Variants in ZNF804B observed in about 807,000 individuals in gnomAD.
ZNF804B encodes zinc finger protein 804B.
In ZNF804B, 80 loss-of-function variants were observed where a neutral mutation model predicts 101.4. The ratio of observed to expected loss-of-function variants is 0.79; its 90% CI spans 0.66 to 0.95. ZNF804B has a LOEUF of 0.95. ZNF804B is among the 40% of genes least tolerant of loss of function. ZNF804B has a pLI of 0.00. For synonymous variants in ZNF804B, 622 were observed against 558.8 expected, an observed-to-expected ratio of 1.11 and a Z score of -1.59; for missense variants, 1,673 against 1,561.9, an observed-to-expected ratio of 1.07 and a Z score of -1.20.
At chr7:89,192,239 C>T (rs1417008926) in intron 1 of ZNF804B, among the ~76,000 whole-genome samples, 6 of 151,978 alleles carry the variant, frequency 3.9e-5, no homozygotes, top group African/African-American at 1.4e-4. Context: ...TGAGAGTTAT[C>T]TAATGCCTTT....
intron 2 of ZNF804B, among the ~76,000 whole-genome samples, chr7:89,252,831 C>T (rs906048569): frequency 3.3e-5 from 5 of 152,084 alleles, no homozygotes; most frequent in African/African-American, 1.2e-4. Flanking sequence ...GAGCTAAATA[C>T]TAGTTACACA....
At chr7:88,785,155 C>T (rs945726458) in intron 1 of ZNF804B, among the ~76,000 whole-genome samples, 3 of 152,060 alleles carry the variant, frequency 2.0e-5, no homozygotes, top group African/African-American at 4.8e-5. Flanking sequence ...ACCTCAAATT[C>T]GGCATGTTCA....
intron 1 of ZNF804B, among the ~76,000 whole-genome samples, chr7:88,964,804 C>T (rs149134810): frequency 5.3e-5 from 8 of 151,568 alleles, no homozygotes; most frequent in African/African-American, 1.9e-4. Context: ...GGGAGCAAAA[C>T]AGGCTCTTAG....
chr7:89,258,624 C>T (rs1461292977), intron 2 of ZNF804B, among the ~76,000 whole-genome samples: 3 of 152,152 alleles, frequency 2.0e-5, no homozygotes, highest in Non-Finnish European at 4.4e-5. Flanking sequence ...TCCAGTCAGA[C>T]ATCCATGTAT....
intron 2 of ZNF804B, among the ~76,000 whole-genome samples, chr7:89,281,700 G>T (rs1291946249): frequency 6.6e-6 from 1 of 152,112 alleles, no homozygotes; most frequent in East Asian, 1.9e-4. Flanking sequence ...TATAAACAAG[G>T]TCTTTCTGTG....
rs1370260461 is a variant in ZNF804B at position 89,132,162 on chromosome 7, G to GCA, written c.109-85988_109-85987dup. Reference sequence around the variant, plus strand: ...GAAAATAACAGGAATGAGAACACACGCACACATACACACACACACACACAC... The same window carrying GCA: ...GAAAATAACAGGAATGAGAACACACGCACACACATACACACACACACACACAC... On this transcript the variant is annotated intron_variant, in intron 1 of 3. Transcript: ENST00000333190. 2.6e-3 allele frequency among the ~76,000 whole-genome samples: 226 copies of GCA among 87,704 alleles called. 2 individuals carry two copies. Among genetic ancestry groups the GCA allele is most frequent in the African/African-American group, 7.5e-3 (211 of 28,040 alleles). The allele number at this position is 87,704 out of a possible 152,430, so 57.5% of individuals were successfully genotyped here.
At chr7:88,843,353 G>GGGCATCAA (rs1791315155) in intron 1 of ZNF804B, among the ~76,000 whole-genome samples, 1 of 151,988 alleles carries the variant, frequency 6.6e-6, no homozygotes, top group Non-Finnish European at 1.5e-5. Flanking sequence ...GTAGATCTAT[G>GGGCATCAA]GGCATCAAAA....
intron 1 of ZNF804B, among the ~76,000 whole-genome samples, chr7:89,204,558 C>T (rs973368533): frequency 6.6e-6 from 1 of 152,110 alleles, no homozygotes; most frequent in African/African-American, 2.4e-5. Context: ...TCCTGCTTTT[C>T]CGGAGGGTTG....
chr7:89,117,325 T>A, intron 1 of ZNF804B, among the ~76,000 whole-genome samples: 1 of 152,210 alleles, frequency 6.6e-6, no homozygotes, highest in Non-Finnish European at 1.5e-5. Context: ...CCATGCATCA[T>A]GTATACAGAA....
chr7:89,122,411 G>C (rs1258211240), intron 1 of ZNF804B, among the ~76,000 whole-genome samples: 2 of 152,136 alleles, frequency 1.3e-5, no homozygotes, highest in African/African-American at 4.8e-5. Context: ...AGATTTTCTT[G>C]ATTAGAAATA....
intron 3 of ZNF804B, among the ~76,000 whole-genome samples, chr7:89,330,838 T>C (rs1790966175): frequency 6.6e-6 from 1 of 151,056 alleles, no homozygotes; most frequent in South Asian, 2.1e-4. Flanking sequence ...AAAGAAATTT[T>C]AAAATATTTA....
intron 1 of ZNF804B, among the ~76,000 whole-genome samples, chr7:88,846,804 G>A (rs1252890733): frequency 6.6e-6 from 1 of 151,750 alleles, no homozygotes; most frequent in African/African-American, 2.4e-5. Flanking sequence ...GTGTATATAT[G>A]TCTACATGTG....
intron 2 of ZNF804B, among the ~76,000 whole-genome samples, chr7:89,281,490 G>C (rs1351177189): frequency 6.6e-6 from 1 of 151,964 alleles, no homozygotes; most frequent in Non-Finnish European, 1.5e-5. Context: ...ATAAAATTAG[G>C]AGTTTTTTAG....
chr7:89,102,448 G>A (rs146436273), intron 1 of ZNF804B, among the ~76,000 whole-genome samples: 5 of 151,894 alleles, frequency 3.3e-5, no homozygotes, highest in Admixed American at 2.6e-4. Context: ...AATGTTGAGC[G>A]TTTTTTCATG....
At position 89,056,525 on chromosome 7, in the gene ZNF804B, G is replaced by GA. The variant is rs1443302480; in HGVS notation, c.109-161626dup. On this transcript the variant is annotated intron_variant, in intron 1 of 3. Transcript: ENST00000333190. ...ACCTGTTAAAATTGAATACAGCAAA[G>GA]AAAATCCCTCCTGCCTCCAGTCCTA... 2.0e-5 allele frequency among the ~76,000 whole-genome samples: 3 copies of GA among 152,204 alleles called. No homozygotes were observed. In the East Asian group the frequency reaches 5.8e-4, roughly 29 times the overall value.
chr7:88,861,696 A>G (rs1308288380), intron 1 of ZNF804B, among the ~76,000 whole-genome samples: 1 of 152,162 alleles, frequency 6.6e-6, no homozygotes, highest in Non-Finnish European at 1.5e-5. Context: ...TACTCTTTAC[A>G]GTTTCAGTGT....
intron 2 of ZNF804B, among the ~76,000 whole-genome samples, chr7:89,277,250 T>G (rs1789995585): frequency 6.7e-6 from 1 of 150,162 alleles, no homozygotes; most frequent in Admixed American, 6.6e-5. Context: ...CATTTGTGAG[T>G]ATATTTAGCT....
chr7:89,129,064 C>T (rs1562891861), intron 1 of ZNF804B, among the ~76,000 whole-genome samples: 1 of 151,956 alleles, frequency 6.6e-6, no homozygotes, highest in Non-Finnish European at 1.5e-5. Flanking sequence ...GGCCTAGAAC[C>T]TGCATTTAAT....
chr7:89,072,977 C>T (rs546334636), intron 1 of ZNF804B, among the ~76,000 whole-genome samples: 1 of 152,144 alleles, frequency 6.6e-6, no homozygotes, highest in African/African-American at 2.4e-5. Context: ...TCAATTAGGA[C>T]ATAGTTACTA....
Sources: allele counts gnomAD v4.1 joint callset (sites outside exome capture counted in the v4.1 genomes callset), GRCh38; gene constraint gnomAD v4.1.1; transcripts MANE v1.5; gene names NCBI Gene and HGNC (gene_info 2026-07-23, HGNC 2026-07-21).